Variants in MYRIP observed in about 807,000 individuals in gnomAD.
MYRIP encodes the protein rab effector MyRIP.
In MYRIP, 49 loss-of-function variants were observed where a neutral mutation model predicts 98.0. The ratio of observed to expected loss-of-function variants is 0.50; its 90% CI spans 0.40 to 0.63. The LOEUF (loss-of-function observed/expected upper bound fraction) is 0.63. Among genes scored for constraint, MYRIP ranks in the 30% least tolerant of loss-of-function variants. The probability of loss-of-function intolerance (pLI) is 0.00; values close to 1 mark genes in which losing one functional copy is unlikely to be tolerated. For missense variants in MYRIP, 1,004 were observed against 1,058.2 expected (o/e 0.95, Z 0.71); for synonymous variants, 404 against 409.5 (o/e 0.99, Z 0.16).
intron 1 of MYRIP, among the ~76,000 whole-genome samples, chr3:39,876,620 T>G (rs1943003267): frequency 1.3e-5 from 2 of 151,788 alleles, no homozygotes; most frequent in African/African-American, 2.4e-5. Flanking sequence ...TGGCTGGATA[T>G]GAAATTCTGG....
intron 2 of MYRIP, among the ~76,000 whole-genome samples, chr3:39,958,575 C>G (rs1466128220): frequency 6.6e-6 from 1 of 152,096 alleles, no homozygotes; most frequent in Non-Finnish European, 1.5e-5. Flanking sequence ...CCATAAAAAC[C>G]ATAGAAGAAA....
chr3:39,839,311 G>A (rs987520836), intron 1 of MYRIP, among the ~76,000 whole-genome samples: 5 of 151,574 alleles, frequency 3.3e-5, no homozygotes, highest in Non-Finnish European at 7.4e-5. Flanking sequence ...AGGATGGAGT[G>A]CAGTGGCATG....
intron 2 of MYRIP, among the ~76,000 whole-genome samples, chr3:39,977,134 G>A (rs1312314207): frequency 1.3e-5 from 2 of 151,238 alleles, no homozygotes; most frequent in African/African-American, 4.9e-5. Context: ...AAAAAAAAAC[G>A]GTGATAATAA....
chr3:39,856,460 A>G (rs1156995774), intron 1 of MYRIP, among the ~76,000 whole-genome samples: 1 of 152,098 alleles, frequency 6.6e-6, no homozygotes, highest in African/African-American at 2.4e-5. Flanking sequence ...CTGCAGCCCC[A>G]TTTGAATGCA....
intron 3 of MYRIP, among the ~76,000 whole-genome samples, chr3:40,090,197 A>C (rs1948715556): frequency 6.6e-6 from 1 of 152,134 alleles, no homozygotes; most frequent in African/African-American, 2.4e-5. Context: ...TCTGGGCCTC[A>C]TCTGTGAAGA....
chr3:39,941,586 A>G (rs1944786878), intron 2 of MYRIP, among the ~76,000 whole-genome samples: 1 of 151,918 alleles, frequency 6.6e-6, no homozygotes, highest in African/African-American at 2.4e-5. Flanking sequence ...TATATTCTAT[A>G]CAGTTTTTCC....
intron 2 of MYRIP, among the ~76,000 whole-genome samples, chr3:39,934,487 A>G (rs1225134667): frequency 6.6e-6 from 1 of 152,088 alleles, no homozygotes; most frequent in Non-Finnish European, 1.5e-5. Flanking sequence ...CCAGCATGCT[A>G]TGCAAGCAGA....
At chr3:39,932,338 A>C (rs1262247587) in intron 2 of MYRIP, among the ~76,000 whole-genome samples, 1 of 151,972 alleles carries the variant, frequency 6.6e-6, no homozygotes, top group Non-Finnish European at 1.5e-5. Context: ...TGCTCACTCT[A>C]TCAGTCAGTC....
intron 3 of MYRIP, among the ~76,000 whole-genome samples, chr3:40,069,862 C>T (rs554336843): frequency 6.6e-6 from 1 of 152,294 alleles, no homozygotes; most frequent in Admixed American, 6.5e-5. Context: ...TGCCACTGAG[C>T]TTTTGTGGAG....
At chr3:40,080,469 TA>T (rs1326417764) in intron 3 of MYRIP, among the ~76,000 whole-genome samples, 1 of 151,826 alleles carries the variant, frequency 6.6e-6, no homozygotes, top group African/African-American at 2.4e-5. Context: ...TCCTGTTTTC[TA>T]AAAAAAGAAA....
At position 40,042,308 on chromosome 3, in the gene MYRIP, A is replaced by G. The variant is rs1002010702; in HGVS notation, c.111-1742A>G. Among the ~76,000 whole-genome samples the G allele has an allele frequency of 3.6e-3, 478 of 132,610 alleles. 3 individuals carry two copies. Among genetic ancestry groups the G allele is most frequent in the Admixed American group, 9.9e-3 (128 of 12,984 alleles). 87.0% of individuals were successfully genotyped at this position (132,610 alleles called of 152,430 possible). ...AAGGATAAAAAAAAAAAAAAAAAAA[A>G]AGAGAGCCAACCTTCAACCCACTAC... On this transcript the variant is annotated intron_variant, in intron 2 of 16. Coordinates refer to ENST00000302541, the MANE Select transcript of MYRIP (RefSeq NM_015460.4).
chr3:39,904,908 G>A (rs528806012), intron 2 of MYRIP, among the ~76,000 whole-genome samples: 1 of 152,100 alleles, frequency 6.6e-6, no homozygotes, highest in South Asian at 2.1e-4. Context: ...GACTGTTGGG[G>A]GAAGATAGAG....
At chr3:40,124,960 T>C (rs1480035831) in intron 3 of MYRIP, among the ~76,000 whole-genome samples, 1 of 152,194 alleles carries the variant, frequency 6.6e-6, no homozygotes, top group East Asian at 1.9e-4. Flanking sequence ...CTCTGCCTCT[T>C]ACTGGTCACA....
At chr3:40,235,667 T>C (rs964795528) in intron 12 of MYRIP, among the ~76,000 whole-genome samples, 13 of 152,228 alleles carry the variant, frequency 8.5e-5, no homozygotes, top group Admixed American at 5.9e-4. Context: ...CCTCATTTCA[T>C]CCCGTTTTTA....
chr3:40,054,581 C>G (rs1947847602), intron 3 of MYRIP, among the ~76,000 whole-genome samples: 1 of 152,130 alleles, frequency 6.6e-6, no homozygotes, highest in South Asian at 2.1e-4. Flanking sequence ...ATCCAATCCA[C>G]TAAAGGCCTT....
rs1192339907 is a variant in MYRIP, at chr3:40,209,889, T to A, written c.1701T>A (p.Asn567Lys). ...ATTTATCAGAGACAGACATCAGCAA[T>A]GAGGCTCGGGATCCCCAGACTCTCA... is the stretch of plus-strand genomic sequence containing the variant. ...SDDLSETDISNEARDPQTLTD... is the reference protein window; with the variant it reads ...SDDLSETDISKEARDPQTLTD... The change falls in exon 11 of 17, where the codon AAT (asparagine) becomes AAA (lysine). Residue 567 changes from asparagine (N) to lysine (K), a missense_variant. Asn to Lys is a moderately conservative substitution (Grantham distance 94). Around this residue, in one of 3 missense-constraint regions of MYRIP, gnomAD observed 880 missense variants for 907.7 expected, o/e 0.97. Coordinates refer to ENST00000302541, the MANE Select transcript of MYRIP (RefSeq NM_015460.4). 7.4e-6 allele frequency: 12 copies of A among 1,613,792 alleles called. No homozygotes were observed. Among genetic ancestry groups the A allele is most frequent in the Non-Finnish European group, 9.3e-6 (11 of 1,179,904 alleles).
intron 2 of MYRIP, among the ~76,000 whole-genome samples, chr3:39,918,506 C>T (rs1210103482): frequency 6.6e-6 from 1 of 152,136 alleles, no homozygotes; most frequent in Non-Finnish European, 1.5e-5. Context: ...GGCCTCATTC[C>T]CCATCCTGCC....
chr3:40,015,504 A>G (rs1946843657), intron 2 of MYRIP, among the ~76,000 whole-genome samples: 1 of 152,210 alleles, frequency 6.6e-6, no homozygotes, highest in Non-Finnish European at 1.5e-5. Flanking sequence ...GGATTCTGGG[A>G]CCAGCAGGGT....
chr3:40,127,785 C>G (rs1384082276), intron 3 of MYRIP, among the ~76,000 whole-genome samples: 2 of 152,218 alleles, frequency 1.3e-5, no homozygotes, highest in Non-Finnish European at 2.9e-5. Context: ...TTTCCTGTCT[C>G]TCTGCCTGAG....
Sources: allele counts gnomAD v4.1 joint callset (sites outside exome capture counted in the v4.1 genomes callset), GRCh38; gene constraint gnomAD v4.1.1; regional missense constraint gnomAD v4.1.1; transcripts MANE v1.5; gene names NCBI Gene and HGNC (gene_info 2026-07-23, HGNC 2026-07-21).